NALF1: variants seen among roughly 807,000 people sequenced by gnomAD.
NALF1 encodes family with sequence similarity 155 member A.
Under a neutral mutation model 48.4 loss-of-function variants are expected in NALF1, and 3 were observed. The ratio of observed to expected loss-of-function variants is 0.06; its 90% confidence interval spans 0.03 to 0.16. The LOEUF (loss-of-function observed/expected upper bound fraction) is 0.16. Ranked by LOEUF, NALF1 falls within the 10% of genes least tolerant of loss-of-function variation. The pLI is 1.00. For synonymous variants in NALF1, 262 were observed against 245.7 expected, an observed-to-expected ratio of 1.07 and a Z score of -0.62; for missense variants, 526 against 571.5, an observed-to-expected ratio of 0.92 and a Z score of 0.81.
At chr13:107,761,499 G>A (rs1877263929) in intron 1 of NALF1, among the ~76,000 whole-genome samples, 1 of 152,158 alleles carries the variant, frequency 6.6e-6, no homozygotes, top group Admixed American at 6.5e-5. Context: ...TTGCACATGA[G>A]TCTGGTTTTC....
rs74112666 is a variant in NALF1, at chr13:107,833,006, C to T, written c.915+32676G>A. Among the ~76,000 whole-genome samples, 276 of 152,274 alleles carry T rather than the reference C, an allele frequency of 1.8e-3. 1 individual carries two copies. Among genetic ancestry groups the T allele is most frequent in the African/African-American group, 6.1e-3 (254 of 41,572 alleles). On this transcript the variant is annotated intron_variant, in intron 1 of 2. Transcript: ENST00000375915. ...CACACTCTACCATGGAGCTAGTCAG[C>T]ACTTTTTCCATTCTTCCTGTGGCCC...
intron 1 of NALF1, among the ~76,000 whole-genome samples, chr13:107,295,026 C>T (rs1881699067): frequency 6.6e-6 from 1 of 151,644 alleles, no homozygotes; most frequent in Non-Finnish European, 1.5e-5. Flanking sequence ...TCAGGGGGTG[C>T]ATGTGCAAGT....
intron 1 of NALF1, among the ~76,000 whole-genome samples, chr13:107,587,483 A>C (rs2138415074): frequency 6.6e-6 from 1 of 152,280 alleles, no homozygotes; most frequent in South Asian, 2.1e-4. Context: ...ATGTCATTTT[A>C]GGAATAATAA....
At chr13:107,315,742 G>C (rs920625023) in intron 1 of NALF1, among the ~76,000 whole-genome samples, 2 of 151,722 alleles carry the variant, frequency 1.3e-5, no homozygotes, top group Non-Finnish European at 2.9e-5. Flanking sequence ...TTACTTAGCA[G>C]GGTTTTTTAA....
chr13:107,648,236 G>C (rs977490696), intron 1 of NALF1, among the ~76,000 whole-genome samples: 1 of 152,136 alleles, frequency 6.6e-6, no homozygotes, highest in African/African-American at 2.4e-5. Context: ...GCATTGTGCA[G>C]TTCTATGGGT....
intron 1 of NALF1, among the ~76,000 whole-genome samples, chr13:107,397,937 G>C (rs1883740036): frequency 6.6e-6 from 1 of 152,118 alleles, no homozygotes; most frequent in African/African-American, 2.4e-5. Flanking sequence ...GTTAAAATTG[G>C]AGTGGTTAAT....
intron 1 of NALF1, among the ~76,000 whole-genome samples, chr13:107,565,025 G>A (rs1249026537): frequency 1.3e-4 from 12 of 93,454 alleles, no homozygotes; most frequent in African/African-American, 4.9e-4. Context: ...CAAAGCTGCT[G>A]TATAAACACA....
At chr13:107,801,618 C>T (rs1018352603) in intron 1 of NALF1, among the ~76,000 whole-genome samples, 5 of 152,278 alleles carry the variant, frequency 3.3e-5, no homozygotes, top group South Asian at 2.1e-4. Context: ...AAACTGACTG[C>T]AGAAAATTAG....
At chr13:107,631,340 G>A (rs968637272) in intron 1 of NALF1, among the ~76,000 whole-genome samples, 2 of 152,126 alleles carry the variant, frequency 1.3e-5, no homozygotes, top group African/African-American at 4.8e-5. Context: ...CTGTGTAGGG[G>A]TGGCTCCCAT....
chr13:107,690,734 T>A (rs144696089), intron 1 of NALF1, among the ~76,000 whole-genome samples: 1 of 152,288 alleles, frequency 6.6e-6, no homozygotes, highest in African/African-American at 2.4e-5. Context: ...AATGATGTCT[T>A]AACCAAAGGA....
chr13:107,271,987 G>C (rs1594099122), intron 1 of NALF1, among the ~76,000 whole-genome samples: 1 of 151,200 alleles, frequency 6.6e-6, no homozygotes. Context: ...CATTCAGGCG[G>C]GTCTCCAACT....
chr13:107,824,742 G>T (rs1246000857), intron 1 of NALF1, among the ~76,000 whole-genome samples: 3 of 152,232 alleles, frequency 2.0e-5, no homozygotes, highest in African/African-American at 4.8e-5. Flanking sequence ...AGAACTGCAA[G>T]TGCAGCTTGT....
intron 1 of NALF1, among the ~76,000 whole-genome samples, chr13:107,861,261 AT>A (rs1387301480): frequency 4.6e-5 from 7 of 152,292 alleles, no homozygotes; most frequent in African/African-American, 1.7e-4. Context: ...ATAAAAAAAA[AT>A]TTTAAGTAGT....
At chr13:107,294,891 AC>A (rs1359555950) in intron 1 of NALF1, among the ~76,000 whole-genome samples, 2 of 152,208 alleles carry the variant, frequency 1.3e-5, no homozygotes, top group South Asian at 2.1e-4. Flanking sequence ...ATGTTCAATA[AC>A]ATTTCACTGA....
At chr13:107,559,762 T>G (rs1877590140) in intron 1 of NALF1, among the ~76,000 whole-genome samples, 1 of 152,180 alleles carries the variant, frequency 6.6e-6, no homozygotes, top group South Asian at 2.1e-4. Context: ...CACACACTCA[T>G]TCCCAGTCCG....
intron 1 of NALF1, among the ~76,000 whole-genome samples, chr13:107,658,040 T>G (rs2138473894): frequency 6.6e-6 from 1 of 152,322 alleles, no homozygotes; most frequent in East Asian, 1.9e-4. Flanking sequence ...CTTTGTCTCC[T>G]GGTTCCCAGG....
At chr13:107,411,301 GTTTTT>G (rs5806654) in intron 1 of NALF1, among the ~76,000 whole-genome samples, 5 of 136,416 alleles carry the variant, frequency 3.7e-5, no homozygotes, top group Admixed American at 7.6e-5. Context: ...GTAGAATCTT[GTTTTT>G]TTTTTTTTTT....
intron 1 of NALF1, among the ~76,000 whole-genome samples, chr13:107,227,764 G>A (rs921083679): frequency 1.3e-5 from 2 of 152,196 alleles, no homozygotes; most frequent in Non-Finnish European, 2.9e-5. Context: ...TTTGTGATGT[G>A]CTGGAGAAGA....
intron 1 of NALF1, among the ~76,000 whole-genome samples, chr13:107,732,135 T>C (rs1876327482): frequency 6.6e-6 from 1 of 152,138 alleles, no homozygotes; most frequent in African/African-American, 2.4e-5. Context: ...TTGCTTATTC[T>C]TTTTCATGAA....
Sources: gnomAD v4.1 joint callset for allele counts (sites outside exome capture counted in the v4.1 genomes callset) on GRCh38, gnomAD v4.1.1 for gene constraint, MANE v1.5 for transcripts, NCBI Gene and HGNC (gene_info 2026-07-23, HGNC 2026-07-21) for gene names.